Variants in DHRSX observed in about 807,000 individuals in gnomAD.
The protein encoded by DHRSX is polyprenol dehydrogenase.
DHRSX carries 31 observed loss-of-function variants against 34.0 expected under a neutral mutation model. The observed-to-expected ratio is 0.91, with a 90% confidence interval of 0.69 to 1.23. The LOEUF (loss-of-function observed/expected upper bound fraction) is 1.23. Ranked by LOEUF, DHRSX falls within the 50% of genes most tolerant of loss-of-function variation. DHRSX has a pLI of 0.00. For synonymous variants in DHRSX, 201 were observed against 183.8 expected (o/e 1.09, Z -0.76); for missense variants, 414 against 428.1 (o/e 0.97, Z 0.29).
chrX:2,267,662 G>T (rs150354071), intron 4 of DHRSX, among the ~76,000 whole-genome samples: 1 of 152,090 alleles, frequency 6.6e-6, no homozygotes, highest in African/African-American at 2.4e-5. Context: ...AATTATTCTG[G>T]GCGGCTAGGT....
intron 3 of DHRSX, among the ~76,000 whole-genome samples, chrX:2,347,422 G>A (rs184562151): frequency 2.8e-4 from 42 of 152,302 alleles, no homozygotes; most frequent in African/African-American, 8.4e-4. Context: ...GGCCGGGCGC[G>A]GTGGCTCACG....
At chrX:2,477,798 T>G (rs1164571886) in intron 1 of DHRSX, among the ~76,000 whole-genome samples, 1 of 147,832 alleles carries the variant, frequency 6.8e-6, no homozygotes, top group Non-Finnish European at 1.5e-5. Context: ...TGAGCCGAGA[T>G]CCCTCCACTG....
chrX:2,484,113 C>G lies in DHRSX; in HGVS notation c.109+16704G>C, dbSNP rs766055128. Among the ~76,000 whole-genome samples the G allele has an allele frequency of 6.6e-4, 101 of 152,256 alleles. 1 individual carries two copies. Among genetic ancestry groups the G allele is most frequent in the Admixed American group, 3.1e-3 (47 of 15,294 alleles). On this transcript the variant is annotated intron_variant, in intron 1 of 6. Transcript: ENST00000334651. ...GCCTCAGCCTCAGTACCTGGGATTACAGGTGCCCACCACCATGCCCAGCTA... is the reference window on the plus strand; with the variant it reads ...GCCTCAGCCTCAGTACCTGGGATTAGAGGTGCCCACCACCATGCCCAGCTA...
intron 3 of DHRSX, among the ~76,000 whole-genome samples, chrX:2,358,946 C>T (rs1023543825): frequency 7.4e-6 from 1 of 135,528 alleles, no homozygotes; most frequent in African/African-American, 2.7e-5. Flanking sequence ...GAGACTCTGT[C>T]TCGGAAAAAA....
intron 3 of DHRSX, among the ~76,000 whole-genome samples, chrX:2,346,983 T>C (rs1418738039): frequency 2.0e-5 from 3 of 152,180 alleles, no homozygotes; most frequent in South Asian, 2.1e-4. Flanking sequence ...ATGAACTCAT[T>C]CTTTTTTATG....
intron 1 of DHRSX, among the ~76,000 whole-genome samples, chrX:2,448,231 G>A (rs770867925): frequency 1.7e-4 from 26 of 152,086 alleles, no homozygotes; most frequent in African/African-American, 5.5e-4. Context: ...CCAGCTACCT[G>A]GGAGGCTCAG....
chrX:2,262,342 C>T (rs73628264), intron 5 of DHRSX, among the ~76,000 whole-genome samples: 6,181 of 152,274 alleles, frequency 0.041, 443 homozygotes, highest in African/African-American at 0.14. Context: ...ACGTCACCTG[C>T]GCACACTGGC....
At chrX:2,244,063 G>A (rs1423476081) in intron 5 of DHRSX, among the ~76,000 whole-genome samples, 13 of 151,912 alleles carry the variant, frequency 8.6e-5, no homozygotes, top group East Asian at 3.9e-4. Context: ...GAGCCACCGC[G>A]CCTGGCCACA....
chrX:2,265,248 C>T (rs1288689498), intron 5 of DHRSX, among the ~76,000 whole-genome samples: 37 of 8,222 alleles, frequency 4.5e-3, no homozygotes, highest in African/African-American at 0.027. Context: ...GCTCAGCAGA[C>T]GCAGGGAGCA....
At chrX:2,381,161 C>T (rs1362377245) in intron 3 of DHRSX, among the ~76,000 whole-genome samples, 5 of 152,158 alleles carry the variant, frequency 3.3e-5, no homozygotes, top group Admixed American at 6.5e-5. Flanking sequence ...CCACCACACC[C>T]GGCCCCAGAT....
At chrX:2,297,005 T>C (rs1370326951) in intron 3 of DHRSX, among the ~76,000 whole-genome samples, 1 of 143,116 alleles carries the variant, frequency 7.0e-6, no homozygotes, top group African/African-American at 2.7e-5. Flanking sequence ...CAGATAGGAA[T>C]AGGACCCAGG....
At chrX:2,388,347 T>G (rs1456783772) in intron 3 of DHRSX, among the ~76,000 whole-genome samples, 1 of 152,114 alleles carries the variant, frequency 6.6e-6, no homozygotes, top group Non-Finnish European at 1.5e-5. Flanking sequence ...TATGGGGTCT[T>G]TAAAGAGGCA....
intron 2 of DHRSX, among the ~76,000 whole-genome samples, chrX:2,412,425 G>C (rs1346722579): frequency 1.3e-5 from 2 of 152,106 alleles, no homozygotes; most frequent in African/African-American, 4.8e-5. Context: ...GCTTGGACAG[G>C]AGACTATAGT....
At chrX:2,252,362 A>AT (rs1411975596) in intron 5 of DHRSX, among the ~76,000 whole-genome samples, 2 of 152,180 alleles carry the variant, frequency 1.3e-5, no homozygotes, top group Non-Finnish European at 2.9e-5. Flanking sequence ...TACTGTCAAG[A>AT]TATCTTTTTA....
At chrX:2,429,402 C>T (rs1484765607) in intron 1 of DHRSX, among the ~76,000 whole-genome samples, 1 of 151,582 alleles carries the variant, frequency 6.6e-6, no homozygotes, top group Non-Finnish European at 1.5e-5. Flanking sequence ...CTAAAATCTT[C>T]CAGCTAAACT....
intron 5 of DHRSX, among the ~76,000 whole-genome samples, chrX:2,243,798 T>TGTTTTGTTTTGTTTTG (rs1460406117): frequency 1.1e-5 from 1 of 93,822 alleles, no homozygotes; most frequent in African/African-American, 4.6e-5. Context: ...GTTTTTTTTT[T>TGTTTTGTTTTGTTTTG]TTTTTTTTTT....
At chrX:2,483,338 A>G (rs2044802685) in intron 1 of DHRSX, among the ~76,000 whole-genome samples, 1 of 152,068 alleles carries the variant, frequency 6.6e-6, no homozygotes, top group Non-Finnish European at 1.5e-5. Context: ...TTCACAGCTC[A>G]CTGCAGCCTC....
chrX:2,355,105 G>C (rs1049661896), intron 3 of DHRSX, among the ~76,000 whole-genome samples: 13 of 152,130 alleles, frequency 8.5e-5, no homozygotes, highest in Non-Finnish European at 1.5e-5. Flanking sequence ...CAAGAAATAG[G>C]TTGGAAGGAA....
intron 3 of DHRSX, among the ~76,000 whole-genome samples, chrX:2,393,446 GTGC>G (rs2043360249): frequency 3.9e-5 from 5 of 128,870 alleles, no homozygotes; most frequent in Middle Eastern, 4.9e-3. Flanking sequence ...CCCATCTCCT[GTGC>G]ACACACATGA....
Sources: gnomAD v4.1 joint callset for allele counts (sites outside exome capture counted in the v4.1 genomes callset) on GRCh38, gnomAD v4.1.1 for gene constraint, MANE v1.5 for transcripts, NCBI Gene and HGNC (gene_info 2026-07-23, HGNC 2026-07-21) for gene names.